Variants in KIN observed in about 807,000 individuals in gnomAD.
KIN encodes the protein Kin17 DNA and RNA binding protein.
KIN carries 47 observed loss-of-function variants against 63.0 expected under a neutral mutation model. The observed-to-expected ratio is 0.75, with a 90% CI of 0.59 to 0.95. The LOEUF (loss-of-function observed/expected upper bound fraction) is 0.95. Ranked by LOEUF, KIN falls within the 40% of genes least tolerant of loss-of-function variation. The probability of loss-of-function intolerance (pLI) is 0.00; values close to 1 mark genes in which losing one functional copy is unlikely to be tolerated. For synonymous variants in KIN, 160 were observed against 157.7 expected (o/e 1.01, Z -0.11); for missense variants, 408 against 460.9 (o/e 0.89, Z 1.05).
chr10:7,756,186 C>G (rs371265290), intron 12 of KIN, 44 bp from the exon 13 acceptor site: 125 of 1,253,150 alleles, frequency 1.0e-4, no homozygotes, highest in Non-Finnish European at 1.3e-4. Flanking sequence ...AACACATATT[C>G]CTAAAAGACA....
intron 2 of KIN, among the ~76,000 whole-genome samples, chr10:7,780,690 T>G (rs1835879281): frequency 6.6e-6 from 1 of 152,198 alleles, no homozygotes; most frequent in Non-Finnish European, 1.5e-5. Flanking sequence ...CGTGAGCCAC[T>G]GCATCTAGCC....
rs757464089 is a variant in KIN, at chr10:7,769,262, G to A, written c.752C>T (p.Ser251Phe). The A allele has an allele frequency of 1.2e-6, 2 of 1,613,202 alleles. No homozygotes were observed. The highest frequency in any genetic ancestry group is 3.3e-5 in the Admixed American group (2 of 59,958). ...AGATTTCTTTTTCTTCTTTTCTTTA[G>A]ACTGAGTTGAGCTCTGGGAAGATTC... ...RKESSQSSTQ[S>F]KEKKKKKSAL... Residue 251 changes from serine (S) to phenylalanine (F), a missense_variant, in exon 8 of 13, where the codon TCT (serine) becomes TTT (phenylalanine). By Grantham distance (155) the Ser-to-Phe change is radical. Coordinates refer to ENST00000379562, the MANE Select transcript of KIN (RefSeq NM_012311.4).
chr10:7,779,964 C>T, intron 4 of KIN, 92 bp downstream of exon 4: 1 of 1,379,406 alleles, frequency 7.2e-7, no homozygotes, highest in Non-Finnish European at 1.0e-6. Flanking sequence ...AAACACTGAC[C>T]CAATTTTTTT....
At chr10:7,778,759 A>AAC in intron 5 of KIN, 79 bp downstream of exon 5, 5 of 1,014,194 alleles carry the variant, frequency 4.9e-6, no homozygotes, top group Middle Eastern at 4.7e-4. Flanking sequence ...ACAACAACAA[A>AAC]AACAAAAAAG....
chr10:7,784,690 A>T (rs1454171190), intron 1 of KIN, among the ~76,000 whole-genome samples: 1 of 152,216 alleles, frequency 6.6e-6, no homozygotes, highest in Non-Finnish European at 1.5e-5. Flanking sequence ...GTTAAAAAAA[A>T]ATTAGAAAAA....
intron 12 of KIN, among the ~76,000 whole-genome samples, chr10:7,756,903 G>A (rs1231197711): frequency 6.6e-6 from 1 of 152,050 alleles, no homozygotes; most frequent in Non-Finnish European, 1.5e-5. Context: ...CTTAATTAAT[G>A]AAAGATATTT....
chr10:7,780,245 C>T lies in KIN; in HGVS notation c.253+19G>A, dbSNP rs201442078. On this transcript the variant is annotated intron_variant, in intron 3 of 12. Transcript: ENST00000379562. ...GCCATTTATAAAGCTGTTATTTGCA[C>T]AATATTTAAAATGTTTACCAAAGCG... 292 of 1,609,160 alleles carry T rather than the reference C, an allele frequency of 1.8e-4. No homozygotes were observed. Among genetic ancestry groups the T allele is most frequent in the Non-Finnish European group, 2.2e-4 (264 of 1,178,334 alleles).
In KIN at chr10:7,752,955, T is replaced by G. The variant is rs899962448; in HGVS notation, c.*3125A>C. 4.6e-5 allele frequency: 7 copies of G among 152,192 alleles called. No homozygotes were observed. Among genetic ancestry groups the G allele is most frequent in the African/African-American group, 1.7e-4 (7 of 41,438 alleles). The allele number at this position is 152,192 out of a possible 1,614,324, so 9.4% of individuals were successfully genotyped here. A position where few individuals can be genotyped will look rare whatever the true frequency, so the allele number is the denominator to read the frequency against. The stretch of plus-strand genomic sequence containing the variant: ...GAACAGACAGAACACAGGAAACTTC[T>G]AGGGCAGTGAAACTGTTCTGTGTGA... On this transcript the variant is annotated 3_prime_UTR_variant, in exon 13 of 13. Transcript: ENST00000379562.
intron 11 of KIN, among the ~76,000 whole-genome samples, chr10:7,760,450 G>A (rs893842082): frequency 7.9e-5 from 12 of 152,150 alleles, no homozygotes; most frequent in African/African-American, 2.9e-4. Context: ...AGCTTTGTAC[G>A]TATATGTTCA....
At position 7,752,331 on chromosome 10, in the gene KIN, A is replaced by C. The variant is rs7904018; in HGVS notation, c.*3749T>G. ...ATAAGCCCATGAAAAGATGCTCCAC[A>C]TCATACTTCATCAAAGAAATGCAAA... On this transcript the variant is annotated 3_prime_UTR_variant, in exon 13 of 13. Transcript: ENST00000379562. 0.55 allele frequency: 83,182 copies of C among 152,086 alleles called. 24,529 individuals are homozygous for C. Among genetic ancestry groups the C allele is most frequent in the Non-Finnish European group, 0.67 (45,370 of 67,990 alleles). 9.4% of individuals were successfully genotyped at this position (152,086 alleles called of 1,614,324 possible).
rs1373338058 is a variant in KIN at position 7,755,313 on chromosome 10, A to G, written c.*767T>C. The G allele has an allele frequency of 6.6e-6, 1 of 152,238 alleles. No homozygotes were observed. Among genetic ancestry groups the G allele is most frequent in the Non-Finnish European group, 1.5e-5 (1 of 68,040 alleles). The allele number at this position is 152,238 out of a possible 1,614,324, so 9.4% of individuals were successfully genotyped here. ...ATACAGTGGAATATTAAGCAGCCAT[A>G]AAAACAAATGAAGCACGCCTACATG... On this transcript the variant is annotated 3_prime_UTR_variant, in exon 13 of 13. Transcript: ENST00000379562.
At chr10:7,758,849 T>C (rs1294557751) in intron 12 of KIN, among the ~76,000 whole-genome samples, 1 of 151,778 alleles carries the variant, frequency 6.6e-6, no homozygotes, top group African/African-American at 2.4e-5. Context: ...CAAGTAGGAG[T>C]CCTTTTTCCC....
At chr10:7,780,979 A>G (rs956069001) in intron 2 of KIN, among the ~76,000 whole-genome samples, 12 of 152,212 alleles carry the variant, frequency 7.9e-5, no homozygotes, top group Non-Finnish European at 1.6e-4. Context: ...CCCTGATTCC[A>G]CATGAAATTG....
chr10:7,782,689 G>T (rs757895729), intron 2 of KIN, among the ~76,000 whole-genome samples: 1 of 152,078 alleles, frequency 6.6e-6, no homozygotes, highest in Non-Finnish European at 1.5e-5. Context: ...GAGCCACCTC[G>T]CCTGGCTTCT....
At chr10:7,781,682 A>G (rs987718079) in intron 2 of KIN, among the ~76,000 whole-genome samples, 2 of 143,580 alleles carry the variant, frequency 1.4e-5, no homozygotes, top group African/African-American at 2.6e-5. Context: ...CTGAAGCAGG[A>G]GGATCGCCTG....
chr10:7,766,572 T>C (rs1021112267), intron 8 of KIN, among the ~76,000 whole-genome samples: 1 of 151,714 alleles, frequency 6.6e-6, no homozygotes, highest in African/African-American at 2.4e-5. Flanking sequence ...GGAAGAAAAA[T>C]ACCACCAAGA....
chr10:7,759,844 T>G (rs1437754031), intron 12 of KIN, 46 bp downstream of exon 12: 1 of 991,622 alleles, frequency 1.0e-6, no homozygotes, highest in Non-Finnish European at 1.6e-6. Context: ...CTATGGCACA[T>G]TTTTAAAGCA....
intron 2 of KIN, among the ~76,000 whole-genome samples, chr10:7,781,652 G>A (rs1445116833): frequency 7.0e-6 from 1 of 143,546 alleles, no homozygotes. Flanking sequence ...GTGCATCTAT[G>A]TTCCCAGCTA....
intron 8 of KIN, among the ~76,000 whole-genome samples, chr10:7,768,346 CCT>C (rs1835593868): frequency 6.6e-6 from 1 of 152,056 alleles, no homozygotes; most frequent in Non-Finnish European, 1.5e-5. Flanking sequence ...ATGGTGAAAC[CCT>C]GTCTCTACTA....
Sources: gnomAD v4.1 joint callset for allele counts (sites outside exome capture counted in the v4.1 genomes callset) on GRCh38, gnomAD v4.1.1 for gene constraint, MANE v1.5 for transcripts, NCBI Gene and HGNC (gene_info 2026-07-23, HGNC 2026-07-21) for gene names.